Variants in TBC1D26 observed in about 807,000 individuals in gnomAD.
TBC1D26 encodes the protein TBC1 domain family, member 26.
In TBC1D26, 19 loss-of-function variants were observed where a neutral mutation model predicts 42.5. The ratio of observed to expected loss-of-function variants is 0.45; its 90% CI spans 0.31 to 0.66. The LOEUF (loss-of-function observed/expected upper bound fraction) is 0.66. Ranked by LOEUF, TBC1D26 falls within the 30% of genes least tolerant of loss-of-function variation. The pLI is 0.06. For synonymous variants in TBC1D26, 97 were observed against 123.5 expected, an observed-to-expected ratio of 0.79 and a Z score of 1.42; for missense variants, 228 against 332.6, an observed-to-expected ratio of 0.69 and a Z score of 2.45.
rs1967801514 is a variant in TBC1D26, at chr17:15,742,044, G to A, written c.741+8G>A. ...AAGATCATGAGACACCTGGTGAGTG[G>A]ATGACACCCTCAGCTCCTAACCAGA... On this transcript the variant is annotated splice_region_variant and intron_variant, in intron 11 of 14. Transcript: ENST00000437605. 6.2e-7 allele frequency: 1 copy of A among 1,612,878 alleles called. No individual in the cohort carries two copies. Among genetic ancestry groups the A allele is most frequent in the Non-Finnish European group, 8.5e-7 (1 of 1,179,016 alleles).
At position 15,739,058 on chromosome 17, in the gene TBC1D26, G is replaced by A. The variant is rs571360421; in HGVS notation, c.497+228G>A. Among the ~76,000 whole-genome samples, 83 of 145,306 alleles carry A rather than the reference G, an allele frequency of 5.7e-4. No individual in the cohort carries two copies. In the East Asian group the frequency reaches 0.011, roughly 20 times the overall value. The stretch of plus-strand genomic sequence containing the variant: ...GAACCCAGGTGACTCCCAAGGAGAC[G>A]GAAGGCAGAAAAAAAAAGAGTCATG... On this transcript the variant is annotated intron_variant, in intron 8 of 14. Coordinates refer to ENST00000437605, the MANE Select transcript of TBC1D26 (RefSeq NM_001388465.1).
chr17:15,743,447 G>C lies in TBC1D26; in HGVS notation c.988G>C (p.Ala330Pro). Residue 330 changes from alanine to proline, a missense_variant, in exon 14 of 15, where the codon GCG becomes CCG. This residue lies in a region of TBC1D26 where 130 missense variants were observed against 168.5 expected (regional missense o/e 0.77). Transcript: ENST00000437605. Reference protein sequence around the residue: ...LSQSWALEDNAVLRNLQTSMK... With the variant: ...LSQSWALEDNPVLRNLQTSMK... ...TCAGAGCTGGGCCCTGGAGGACAACGCGGTCCTCAGGAACCTTCAAACCTC... is the reference window on the plus strand; with the variant it reads ...TCAGAGCTGGGCCCTGGAGGACAACCCGGTCCTCAGGAACCTTCAAACCTC... The C allele has an allele frequency of 1.0e-6, 1 of 966,574 alleles. No homozygotes were observed. The highest frequency in any genetic ancestry group is 1.2e-6 in the Non-Finnish European group (1 of 811,546). 59.9% of individuals were successfully genotyped at this position (966,574 alleles called of 1,614,324 possible). A position where few individuals can be genotyped will look rare whatever the true frequency, so the allele number is the denominator to read the frequency against.
At chr17:15,739,345 G>A (rs1424789395) in intron 8 of TBC1D26, among the ~76,000 whole-genome samples, 2 of 152,172 alleles carry the variant, frequency 1.3e-5, no homozygotes, top group Non-Finnish European at 2.9e-5. Flanking sequence ...ACAGATATTG[G>A]CCACACTGAT....
rs555134809 is a variant in TBC1D26, at chr17:15,737,824, A to T, written c.199-173A>T. ...GAGGATGGCATGTCATGGCATCACC[A>T]TTCCAGACTACCAGCTCCAGTTCCT... On this transcript the variant is annotated intron_variant, in intron 5 of 14. Transcript: ENST00000437605. 85 of 872,838 alleles carry T rather than the reference A, an allele frequency of 9.7e-5. No individual in the cohort carries two copies. The African/African-American group carries it at 1.3e-3, about 14-fold the overall frequency. The allele number at this position is 872,838 out of a possible 1,614,324, so 54.1% of individuals were successfully genotyped here.
rs373540842 is a variant in TBC1D26, at chr17:15,738,271, T to C, written c.280-9T>C. ...GTCCTTTCTCACTGGAGTGTTCTTC[T>C]GTCTGTAGCTGTCTCAAAGAGTATA... is the stretch of plus-strand genomic sequence containing the variant. On this transcript the variant is annotated splice_polypyrimidine_tract_variant and intron_variant, in intron 6 of 14. Coordinates refer to ENST00000437605, the MANE Select transcript of TBC1D26 (RefSeq NM_001388465.1). The C allele has an allele frequency of 1.1e-4, 181 of 1,613,722 alleles. No homozygotes were observed. Among genetic ancestry groups the C allele is most frequent in the Non-Finnish European group, 1.4e-4 (168 of 1,179,970 alleles).
intron 4 of TBC1D26, among the ~76,000 whole-genome samples, chr17:15,737,259 GT>G (rs771836075): frequency 2.2e-4 from 33 of 152,338 alleles, no homozygotes; most frequent in Admixed American, 1.2e-3. Context: ...GGCTTCAAGT[GT>G]CCCCCCCACC....
In TBC1D26 at chr17:15,743,395, T is replaced by C. The variant is rs1967844850; in HGVS notation, c.936T>C (p.Thr312=). Residue 312 remains threonine, a synonymous_variant, in exon 14 of 15, where the codon ACT becomes ACC. Transcript: ENST00000437605. ...RKHLMKLSWS[T]VWEFQERLSQ... ...ACCTCATGAAGCTTTCCTGGAGCAC[T>C]GTCTGGGAGTTTCAGGAGCGACTCT... The C allele has an allele frequency of 8.1e-6, 8 of 986,342 alleles. No homozygotes were observed. Among genetic ancestry groups the C allele is most frequent in the South Asian group, 4.7e-5 (1 of 21,312 alleles). The allele number at this position is 986,342 out of a possible 1,614,324, so 61.1% of individuals were successfully genotyped here. A position where few individuals can be genotyped will look rare whatever the true frequency, so the allele number is the denominator to read the frequency against.
At chr17:15,742,107 C>T (rs1967804168) in intron 11 of TBC1D26, 71 bp downstream of exon 11, 3 of 1,342,998 alleles carry the variant, frequency 2.2e-6, no homozygotes, top group Admixed American at 4.0e-5. Flanking sequence ...GCTCAAGTCC[C>T]TCATGGGGCT....
In TBC1D26 at chr17:15,735,375, C is replaced by A. The variant is rs1967585847; in HGVS notation, c.27C>A (p.Asn9Lys). 1 of 1,613,746 alleles carries A rather than the reference C, an allele frequency of 6.2e-7. No individual in the cohort carries two copies. The highest frequency in any genetic ancestry group is 8.5e-7 in the Non-Finnish European group (1 of 1,179,834). The change falls in exon 3 of 15, where the codon AAC becomes AAA. Residue 9 changes from asparagine to lysine, a missense_variant. Around this residue, in one of 5 missense-constraint regions of TBC1D26, gnomAD observed 18 missense variants for 22.5 expected, o/e 0.80. Transcript: ENST00000437605. ...TGGAGATGGATGGGGACCCGTATAA[C>A]CTGCCTGCCCAGGGGCAAGGCAATA... Reference protein sequence around the residue: MEMDGDPYNLPAQGQGNII... With the variant: MEMDGDPYKLPAQGQGNII...
intron 14 of TBC1D26, 28 bp downstream of exon 14, chr17:15,743,544 G>C: frequency 2.1e-6 from 2 of 954,090 alleles, no homozygotes; most frequent in Non-Finnish European, 2.5e-6. Flanking sequence ...GTACCCTCTG[G>C]AGTCACCCTC....
intron 1 of TBC1D26, 143 bp from the exon 2 acceptor site, chr17:15,734,787 A>T: frequency 5.6e-6 from 1 of 177,682 alleles, no homozygotes; most frequent in Admixed American, 5.7e-5. Context: ...CCATGAGCAC[A>T]GAGGCTGCTC....
At position 15,738,773 on chromosome 17, in the gene TBC1D26, T is replaced by C. The variant is rs771396262; in HGVS notation, c.440T>C (p.Leu147Pro). 1.3e-5 allele frequency: 21 copies of C among 1,613,708 alleles called. No homozygotes were observed. The highest frequency in any genetic ancestry group is 1.6e-5 in the Non-Finnish European group (19 of 1,179,856). Residue 147 changes from leucine to proline, a missense_variant, in exon 8 of 15, where the codon CTA becomes CCA. Coordinates refer to ENST00000437605, the MANE Select transcript of TBC1D26 (RefSeq NM_001388465.1). ...RSSRIIHCIQ[L>P]DVSHTLQKHM... Reference sequence around the variant, plus strand: ...TCCAGAATCATCCACTGCATCCAGCTAGATGTCAGCCACACCCTGCAGAAA... The same window carrying C: ...TCCAGAATCATCCACTGCATCCAGCCAGATGTCAGCCACACCCTGCAGAAA...
At chr17:15,741,345 G>C (rs1967773416) in intron 10 of TBC1D26, 124 bp downstream of exon 10, 2 of 1,547,510 alleles carry the variant, frequency 1.3e-6, no homozygotes, top group East Asian at 2.3e-5. Flanking sequence ...TTGTATCCCA[G>C]CTTGTTTGGA....
At chr17:15,742,232 G>A (rs73978527) in intron 11 of TBC1D26, among the ~76,000 whole-genome samples, 182 bp from the exon 12 acceptor site, 2 of 152,172 alleles carry the variant, frequency 1.3e-5, no homozygotes, top group African/African-American at 2.4e-5. Context: ...GACCAGGGCC[G>A]AGCTGCAGCT....
intron 10 of TBC1D26, 107 bp downstream of exon 10, chr17:15,741,328 G>T (rs1179731215): frequency 2.5e-5 from 40 of 1,574,412 alleles, no homozygotes; most frequent in Non-Finnish European, 3.4e-5. Context: ...CAGGCAAGGT[G>T]CCTGCCTTGT....
chr17:15,742,113 G>T (rs1375047961), intron 11 of TBC1D26, 77 bp downstream of exon 11: 6 of 1,277,736 alleles, frequency 4.7e-6, no homozygotes, highest in Non-Finnish European at 6.6e-6. Context: ...GTCCCTCATG[G>T]GGCTGGCAAG....
chr17:15,743,343 G>T, intron 13 of TBC1D26, 24 bp from the exon 14 acceptor site: 1 of 985,684 alleles, frequency 1.0e-6, no homozygotes, highest in Non-Finnish European at 1.2e-6. Context: ...AACCCTCCTG[G>T]CCTGATGCCC....
intron 13 of TBC1D26, 141 bp downstream of exon 13, chr17:15,743,149 G>A (rs1316071462): frequency 2.6e-5 from 4 of 153,856 alleles, no homozygotes; most frequent in African/African-American, 7.2e-5. Context: ...TGATGACACT[G>A]AGTCCATCCC....
At chr17:15,740,321 G>A (rs4054356) in intron 9 of TBC1D26, 173 bp downstream of exon 9, 1 of 1,568,320 alleles carries the variant, frequency 6.4e-7, no homozygotes, top group Non-Finnish European at 8.6e-7. Flanking sequence ...GACTCCTGGT[G>A]TCACATGGAC....
Sources: gnomAD v4.1 joint callset for allele counts (sites outside exome capture counted in the v4.1 genomes callset) on GRCh38, gnomAD v4.1.1 for gene constraint, gnomAD v4.1.1 regional missense constraint, MANE v1.5 for transcripts, NCBI Gene and HGNC (gene_info 2026-07-23, HGNC 2026-07-21) for gene names.